CFAP299: variants seen among roughly 807,000 people sequenced by gnomAD.
CFAP299 encodes cilia and flagella associated protein 299, also known as cilia- and flagella-associated protein 299.
A neutral mutation model predicts 27.0 loss-of-function variants in CFAP299; 21 were observed. That is an observed-to-expected ratio of 0.78 (90% CI 0.55 to 1.12). The LOEUF is 1.12. Among genes scored for constraint, CFAP299 ranks in the 50% most tolerant of loss-of-function variants. CFAP299 has a pLI of 0.00. For missense variants in CFAP299, 310 were observed against 276.6 expected, an observed-to-expected ratio of 1.12 and a Z score of -0.86; for synonymous variants, 104 against 98.1, an observed-to-expected ratio of 1.06 and a Z score of -0.36.
chr4:80,904,347 C>T (rs17004999), intron 4 of CFAP299, among the ~76,000 whole-genome samples: 6,807 of 152,160 alleles, frequency 0.045, 549 homozygotes, highest in African/African-American at 0.16. Flanking sequence ...CAAGTCAATG[C>T]GTGAGGCTTC....
intron 3 of CFAP299, among the ~76,000 whole-genome samples, chr4:80,670,042 G>C (rs1741388588): frequency 6.6e-6 from 1 of 151,834 alleles, no homozygotes; most frequent in Non-Finnish European, 1.5e-5. Flanking sequence ...ACAACGTGCA[G>C]GCTTGTTACA....
chr4:80,923,097 G>A (rs1578241171), intron 4 of CFAP299, among the ~76,000 whole-genome samples: 1 of 151,946 alleles, frequency 6.6e-6, no homozygotes, highest in East Asian at 1.9e-4. Context: ...GCTCCAAGGG[G>A]GAACATTTGC....
At chr4:80,522,331 C>G (rs1033338796) in intron 2 of CFAP299, among the ~76,000 whole-genome samples, 1 of 151,776 alleles carries the variant, frequency 6.6e-6, no homozygotes. Context: ...TACCCCTTTG[C>G]GCATTTTTAA....
At chr4:80,594,640 T>C (rs886999096) in intron 3 of CFAP299, among the ~76,000 whole-genome samples, 1 of 152,228 alleles carries the variant, frequency 6.6e-6, no homozygotes, top group East Asian at 1.9e-4. Context: ...CGCATTCTTA[T>C]GTGATCCCTG....
chr4:80,835,021 T>C (rs1342336226), intron 3 of CFAP299, among the ~76,000 whole-genome samples: 1 of 152,202 alleles, frequency 6.6e-6, no homozygotes, highest in African/African-American at 2.4e-5. Context: ...ACTTACTCTT[T>C]ACTTTCCTTC....
intron 3 of CFAP299, among the ~76,000 whole-genome samples, chr4:80,735,526 A>T (rs997615155): frequency 1.3e-5 from 2 of 152,118 alleles, no homozygotes; most frequent in African/African-American, 2.4e-5. Context: ...ATTTAAAAGT[A>T]AAAGCTCTTA....
intron 4 of CFAP299, among the ~76,000 whole-genome samples, chr4:80,933,834 C>G (rs182107515): frequency 6.6e-6 from 1 of 152,156 alleles, no homozygotes; most frequent in East Asian, 1.9e-4. Flanking sequence ...TTGGTCAAGT[C>G]AGTAAGGGTT....
chr4:80,331,606 T>C (rs150468590), upstream of CFAP299, among the ~76,000 whole-genome samples: 33 of 152,214 alleles, frequency 2.2e-4, no homozygotes, highest in East Asian at 5.2e-3. Context: ...GACGGAGAAG[T>C]AAGGTTCAAG....
intron 3 of CFAP299, among the ~76,000 whole-genome samples, chr4:80,828,885 T>C (rs1730139791): frequency 6.6e-6 from 1 of 151,970 alleles, no homozygotes; most frequent in South Asian, 2.1e-4. Flanking sequence ...AGTATCTGCA[T>C]GCAAAAAATG....
intron 4 of CFAP299, among the ~76,000 whole-genome samples, chr4:80,878,611 C>G (rs1296412463): frequency 6.6e-6 from 1 of 151,990 alleles, no homozygotes; most frequent in Non-Finnish European, 1.5e-5. Flanking sequence ...TGTAAGCCTA[C>G]TTGTTTTTCT....
intron 3 of CFAP299, among the ~76,000 whole-genome samples, chr4:80,718,820 A>G (rs1447711867): frequency 6.6e-6 from 1 of 152,168 alleles, no homozygotes; most frequent in African/African-American, 2.4e-5. Context: ...TGATAAAAAT[A>G]CTACATTTTA....
At chr4:80,592,799 C>T (rs968110135) in intron 3 of CFAP299, among the ~76,000 whole-genome samples, 11 of 152,130 alleles carry the variant, frequency 7.2e-5, no homozygotes, top group African/African-American at 2.4e-4. Flanking sequence ...GAGAAAATTA[C>T]GTTGCATAAT....
Position 80,833,659 on chromosome 4 carries a change from G to C in CFAP299, c.334-36334G>C, listed in dbSNP as rs181427884. On this transcript the variant is annotated intron_variant, in intron 3 of 5. Coordinates refer to ENST00000358105, the MANE Select transcript of CFAP299 (RefSeq NM_152770.3). ...ATTCATTGTGATTCTACCCACGATA[G>C]GTGTGCTTGATTATTGGACGTATTT... Among the ~76,000 whole-genome samples, 39 of 152,246 alleles carry C rather than the reference G, an allele frequency of 2.6e-4. No homozygotes were observed. In the East Asian group the frequency reaches 7.1e-3, roughly 28 times the overall value.
chr4:80,853,913 G>T (rs1299561745), intron 3 of CFAP299, among the ~76,000 whole-genome samples: 1 of 152,126 alleles, frequency 6.6e-6, no homozygotes, highest in African/African-American at 2.4e-5. Flanking sequence ...AGACCTTAGA[G>T]AAGAGAGAAA....
At chr4:80,950,217 C>A (rs1737701648) in intron 5 of CFAP299, among the ~76,000 whole-genome samples, 1 of 151,656 alleles carries the variant, frequency 6.6e-6, no homozygotes, top group African/African-American at 2.4e-5. Context: ...CACAAGTGAG[C>A]TGGATGGATG....
chr4:80,744,856 G>T (rs1453369293), intron 3 of CFAP299, among the ~76,000 whole-genome samples: 1 of 152,004 alleles, frequency 6.6e-6, no homozygotes, highest in African/African-American at 2.4e-5. Context: ...GGGTGAAGAG[G>T]GAGACTTGGC....
chr4:80,840,920 A>G (rs1730828889), intron 3 of CFAP299, among the ~76,000 whole-genome samples: 1 of 152,068 alleles, frequency 6.6e-6, no homozygotes, highest in Admixed American at 6.6e-5. Context: ...TAAGTTAGTT[A>G]TCTCTAATCA....
chr4:80,396,526 A>T lies in CFAP299; in HGVS notation c.242+33642A>T, dbSNP rs561001796. Among the ~76,000 whole-genome samples the T allele has an allele frequency of 2.6e-5, 4 of 152,280 alleles. No homozygotes were observed. The South Asian group carries it at 8.3e-4, about 32-fold the overall frequency. The stretch of plus-strand genomic sequence containing the variant: ...TACTATGAAGGATGGGGAATATACA[A>T]TGAATTCTTTTTAGTGTACATTAAC... On this transcript the variant is annotated intron_variant, in intron 2 of 5. Coordinates refer to ENST00000358105, the MANE Select transcript of CFAP299 (RefSeq NM_152770.3).
chr4:80,338,492 T>A (rs1722274946), intron 1 of CFAP299, among the ~76,000 whole-genome samples: 1 of 152,172 alleles, frequency 6.6e-6, no homozygotes, highest in Non-Finnish European at 1.5e-5. Flanking sequence ...AACTCTGCAA[T>A]ATTGTGTTTT....
Sources: allele counts gnomAD v4.1 joint callset (sites outside exome capture counted in the v4.1 genomes callset), GRCh38; gene constraint gnomAD v4.1.1; transcripts MANE v1.5; gene names NCBI Gene and HGNC (gene_info 2026-07-23, HGNC 2026-07-21).